The following CD163L1 variants were observed in gnomAD, a reference collection of about 807,000 sequenced individuals.
The protein encoded by CD163L1 is CD163 molecule like 1.
CD163L1 carries 124 observed loss-of-function variants against 165.4 expected under a neutral mutation model. That is an observed-to-expected ratio of 0.75 (90% CI 0.65 to 0.87). The LOEUF is 0.87. Among genes scored for constraint, CD163L1 ranks in the 40% least tolerant of loss-of-function variants. The probability of loss-of-function intolerance (pLI) is 0.00; values close to 1 mark genes in which losing one functional copy is unlikely to be tolerated. For missense variants in CD163L1, 1,525 were observed against 1,799.9 expected, an observed-to-expected ratio of 0.85 and a Z score of 2.76; for synonymous variants, 585 against 662.2, an observed-to-expected ratio of 0.88 and a Z score of 1.79.
intron 19 of CD163L1, 87 bp downstream of exon 19, chr12:7,357,293 T>C (rs1404384761): frequency 2.5e-6 from 2 of 791,592 alleles, no homozygotes; most frequent in African/African-American, 1.7e-5. Context: ...TATATGGTAA[T>C]ATAAATATTG....
At chr12:7,381,293 G>A (rs1478113897) in intron 8 of CD163L1, among the ~76,000 whole-genome samples, 2 of 152,038 alleles carry the variant, frequency 1.3e-5, no homozygotes, top group Non-Finnish European at 2.9e-5. Context: ...TATAATTAAC[G>A]TGGTCTAGAG....
intron 18 of CD163L1, among the ~76,000 whole-genome samples, chr12:7,361,684 C>T (rs1053061107): frequency 3.9e-5 from 6 of 152,116 alleles, no homozygotes; most frequent in African/African-American, 1.4e-4. Flanking sequence ...AAGAAAAAAA[C>T]ACAAACAAAC....
intron 4 of CD163L1, among the ~76,000 whole-genome samples, chr12:7,422,728 AATAT>A (rs953649654): frequency 1.5e-5 from 2 of 134,370 alleles, no homozygotes; most frequent in Non-Finnish European, 1.6e-5. Flanking sequence ...TATGTATATG[AATAT>A]ATATAAATAT....
the CD163L1 span, among the ~76,000 whole-genome samples, chr12:7,325,761 T>C: frequency 7.2e-5 from 11 of 152,340 alleles, no homozygotes; most frequent in South Asian, 2.3e-3. Flanking sequence ...GCCTTAATTC[T>C]AGGAGGAAGC....
intron 18 of CD163L1, among the ~76,000 whole-genome samples, chr12:7,358,532 A>G (rs772959848): frequency 6.6e-6 from 1 of 152,228 alleles, no homozygotes; most frequent in East Asian, 1.9e-4. Flanking sequence ...AACAGGGGAG[A>G]CTAAAACAAG....
intron 4 of CD163L1, among the ~76,000 whole-genome samples, chr12:7,422,576 A>G (rs1948458770): frequency 6.6e-6 from 1 of 151,798 alleles, no homozygotes; most frequent in African/African-American, 2.4e-5. Context: ...TAGAATAATC[A>G]GTTTAGAGAA....
At chr12:7,401,099 C>T (rs1208459887) in intron 6 of CD163L1, among the ~76,000 whole-genome samples, 1 of 152,100 alleles carries the variant, frequency 6.6e-6, no homozygotes. Context: ...TATCTGAACT[C>T]CAGCTTCACT....
intron 4 of CD163L1, among the ~76,000 whole-genome samples, chr12:7,428,266 A>C (rs1296015940): frequency 6.6e-6 from 1 of 152,096 alleles, no homozygotes; most frequent in East Asian, 1.9e-4. Flanking sequence ...TAACATAGTC[A>C]ATTGTACTGA....
At chr12:7,383,127 T>C (rs1003727862) in intron 8 of CD163L1, among the ~76,000 whole-genome samples, 13 of 152,232 alleles carry the variant, frequency 8.5e-5, no homozygotes, top group African/African-American at 2.4e-4. Flanking sequence ...CAGGATGCCA[T>C]ACAAGGACCT....
chr12:7,329,295 T>C, the CD163L1 span, among the ~76,000 whole-genome samples: 11 of 149,320 alleles, frequency 7.4e-5, 1 homozygote, highest in African/African-American at 2.7e-4. Context: ...CTTTTTTTTT[T>C]TTCAGCTATT....
chr12:7,359,539 A>C (rs1202504220), intron 18 of CD163L1, among the ~76,000 whole-genome samples: 1 of 152,138 alleles, frequency 6.6e-6, no homozygotes, highest in Non-Finnish European at 1.5e-5. Flanking sequence ...GAGAAATAAA[A>C]GATTTTCTCA....
chr12:7,439,549 T>A (rs1180574328), intron 2 of CD163L1: 10 of 1,572,288 alleles, frequency 6.4e-6, no homozygotes, highest in Non-Finnish European at 8.6e-6. Flanking sequence ...TGGGGAAGTA[T>A]CTTCTTTTGT....
the CD163L1 span, among the ~76,000 whole-genome samples, chr12:7,327,729 TTCACTAAATCATTGACTAAAG>T: frequency 0.028 from 4,288 of 152,292 alleles, 94 homozygotes; most frequent in Non-Finnish European, 0.043. Context: ...CTCCATTAAA[TTCACTAAATCATTGACTAAAG>T]TCACTAAATC....
chr12:7,401,546 A>G (rs753306192), intron 6 of CD163L1, among the ~76,000 whole-genome samples: 37 of 152,270 alleles, frequency 2.4e-4, no homozygotes, highest in Middle Eastern at 3.4e-3. Flanking sequence ...AGTATATCAA[A>G]TAAAATCATA....
chr12:7,345,850 G>A (rs1418425367), downstream of CD163L1, among the ~76,000 whole-genome samples: 1 of 152,194 alleles, frequency 6.6e-6, no homozygotes, highest in East Asian at 1.9e-4. Context: ...GGAAGGCAAA[G>A]GGGGTAGAGT....
intron 18 of CD163L1, among the ~76,000 whole-genome samples, chr12:7,358,376 T>C (rs1022757513): frequency 1.3e-5 from 2 of 152,064 alleles, no homozygotes; most frequent in East Asian, 1.9e-4. Flanking sequence ...GAGGGGAAAG[T>C]AGTCATTTTG....
Position 7,347,259 on chromosome 12 carries a change from CTTTG to C in CD163L1, c.*25-116_*25-113del, listed in dbSNP as rs1946676288. On this transcript the variant is annotated intron_variant, in intron 4 of 4. Coordinates refer to the CD163L1 transcript ENST00000539726. The surrounding 1 kb of genome is among the most constrained non-coding windows in gnomAD (Gnocchi z 4.2). ...ATTGTGTTTACTTAAGTTTACATATCTTTGTTTGTGGGGCACCAACATTTTAATT... is the reference window on the plus strand; with the variant it reads ...ATTGTGTTTACTTAAGTTTACATATCTTTGTGGGGCACCAACATTTTAATT... The C allele has an allele frequency of 6.6e-6, 1 of 152,150 alleles. No individual in the cohort carries two copies. Among genetic ancestry groups the C allele is most frequent in the Non-Finnish European group, 1.5e-5 (1 of 68,016 alleles). 9.4% of individuals were successfully genotyped at this position (152,150 alleles called of 1,614,324 possible). A position where few individuals can be genotyped will look rare whatever the true frequency, so the allele number is the denominator to read the frequency against.
chr12:7,334,578 C>T, the CD163L1 span, among the ~76,000 whole-genome samples: 1 of 152,150 alleles, frequency 6.6e-6, no homozygotes, highest in Admixed American at 6.5e-5. Flanking sequence ...TGAAAACTGG[C>T]ACAAGACAGG....
At chr12:7,360,764 T>C (rs1946874432) in intron 18 of CD163L1, among the ~76,000 whole-genome samples, 1 of 152,200 alleles carries the variant, frequency 6.6e-6, no homozygotes, top group Middle Eastern at 3.2e-3. Flanking sequence ...TGTATGATAA[T>C]CCAACCTCTG....
Sources: allele counts gnomAD v4.1 joint callset (sites outside exome capture counted in the v4.1 genomes callset), GRCh38; gene constraint gnomAD v4.1.1; non-coding constraint Gnocchi (gnomAD v3.1); transcripts MANE v1.5; gene names NCBI Gene and HGNC (gene_info 2026-07-23, HGNC 2026-07-21).